CNBD1: variants seen among roughly 807,000 people sequenced by gnomAD.
CNBD1 encodes cyclic nucleotide-binding domain-containing protein 1.
Under a neutral mutation model 54.4 loss-of-function variants are expected in CNBD1, and 71 were observed. The observed-to-expected ratio is 1.30, with a 90% CI of 1.08 to 1.59. The LOEUF is 1.59. CNBD1 is among the 40% of genes most tolerant of loss of function. The probability of loss-of-function intolerance (pLI) is 0.00; values close to 1 mark genes in which losing one functional copy is unlikely to be tolerated. For missense variants in CNBD1, 659 were observed against 518.0 expected, an observed-to-expected ratio of 1.27 and a Z score of -2.64; for synonymous variants, 182 against 170.7, an observed-to-expected ratio of 1.07 and a Z score of -0.51.
chr8:87,225,063 G>A (rs1002615546), intron 5 of CNBD1, among the ~76,000 whole-genome samples: 45 of 151,370 alleles, frequency 3.0e-4, no homozygotes, highest in Non-Finnish European at 5.3e-4. Flanking sequence ...TTGGTGTATA[G>A]GAATGCTTGT....
chr8:87,325,691 G>A (rs1265936316), intron 8 of CNBD1, among the ~76,000 whole-genome samples: 1 of 141,660 alleles, frequency 7.1e-6, no homozygotes, highest in Non-Finnish European at 1.5e-5. Context: ...TTGAGCCCAT[G>A]TGTGTCTCTG....
At chr8:87,234,563 T>A (rs1807533422) in intron 5 of CNBD1, among the ~76,000 whole-genome samples, 1 of 152,206 alleles carries the variant, frequency 6.6e-6, no homozygotes, top group African/African-American at 2.4e-5. Flanking sequence ...GTCTTTTTTC[T>A]GAGTAGTTGA....
intron 4 of CNBD1, among the ~76,000 whole-genome samples, chr8:87,054,508 T>C (rs990927071): frequency 4.6e-5 from 7 of 152,166 alleles, no homozygotes; most frequent in African/African-American, 1.7e-4. Flanking sequence ...TTCCTTGAAA[T>C]ACATTCTTGA....
At chr8:87,022,918 A>C (rs1809518074) in intron 4 of CNBD1, among the ~76,000 whole-genome samples, 1 of 152,214 alleles carries the variant, frequency 6.6e-6, no homozygotes, top group South Asian at 2.1e-4. Context: ...GGAGGTAAGA[A>C]AGGAGGCAGT....
intron 8 of CNBD1, among the ~76,000 whole-genome samples, chr8:87,289,301 A>G (rs907214983): frequency 1.3e-5 from 2 of 152,142 alleles, no homozygotes; most frequent in African/African-American, 4.8e-5. Context: ...AACTTCTTAC[A>G]TCTTCCTACT....
chr8:87,378,963 G>T (rs1454385268), intron 10 of CNBD1, among the ~76,000 whole-genome samples: 1 of 148,874 alleles, frequency 6.7e-6, no homozygotes, highest in Non-Finnish European at 1.5e-5. Flanking sequence ...TTTGTCTGTT[G>T]TTGGTGTATA....
chr8:87,269,534 A>C (rs1808322965), intron 6 of CNBD1, among the ~76,000 whole-genome samples: 1 of 152,142 alleles, frequency 6.6e-6, no homozygotes, highest in Admixed American at 6.6e-5. Flanking sequence ...AACAATATTT[A>C]TTCTTGCTAT....
intron 1 of CNBD1, among the ~76,000 whole-genome samples, chr8:86,879,478 A>G (rs963942086): frequency 6.6e-6 from 1 of 152,204 alleles, no homozygotes; most frequent in African/African-American, 2.4e-5. Flanking sequence ...ATCTAAAAGT[A>G]TGGATGAGTT....
At chr8:86,981,344 G>T (rs1040354435) in intron 4 of CNBD1, among the ~76,000 whole-genome samples, 3 of 151,984 alleles carry the variant, frequency 2.0e-5, no homozygotes, top group African/African-American at 7.3e-5. Flanking sequence ...CAAATTTCTG[G>T]TTTTTCCCTC....
intron 10 of CNBD1, among the ~76,000 whole-genome samples, chr8:87,364,006 A>T (rs1810582125): frequency 6.6e-6 from 1 of 151,566 alleles, no homozygotes; most frequent in African/African-American, 2.4e-5. Context: ...GTTTTAGACA[A>T]ATCTTTGACA....
intron 6 of CNBD1, among the ~76,000 whole-genome samples, chr8:87,256,015 A>ATTTTTTTTT (rs1212667153): frequency 1.3e-4 from 2 of 15,786 alleles, no homozygotes; most frequent in African/African-American, 2.8e-4. Flanking sequence ...ATATATATAT[A>ATTTTTTTTT]TTTTTTTTTT....
chr8:87,339,497 T>A (rs957300996), intron 8 of CNBD1, among the ~76,000 whole-genome samples: 1 of 152,188 alleles, frequency 6.6e-6, no homozygotes, highest in Non-Finnish European at 1.5e-5. Context: ...ACCTCACTTT[T>A]TTTAAGGATG....
At chr8:87,216,618 G>T (rs1814216927) in intron 5 of CNBD1, among the ~76,000 whole-genome samples, 1 of 152,062 alleles carries the variant, frequency 6.6e-6, no homozygotes, top group Admixed American at 6.6e-5. Context: ...AGCTGTGCAG[G>T]ATAAAGCTCA....
intron 10 of CNBD1, among the ~76,000 whole-genome samples, chr8:87,376,228 C>T (rs1810931428): frequency 6.6e-6 from 1 of 151,792 alleles, no homozygotes; most frequent in African/African-American, 2.4e-5. Flanking sequence ...TTTTGGAGGG[C>T]AAGAAATCCA....
At chr8:87,279,307 T>G (rs1207728521) in intron 6 of CNBD1, among the ~76,000 whole-genome samples, 1 of 151,500 alleles carries the variant, frequency 6.6e-6, no homozygotes, top group Non-Finnish European at 1.5e-5. Flanking sequence ...GAACAAAATA[T>G]AGAAAAATAT....
At chr8:87,113,876 G>A (rs1035028836) in intron 4 of CNBD1, among the ~76,000 whole-genome samples, 2 of 151,082 alleles carry the variant, frequency 1.3e-5, no homozygotes, top group African/African-American at 4.9e-5. Context: ...CCGAGATCGC[G>A]CCACTGTACT....
intron 4 of CNBD1, among the ~76,000 whole-genome samples, chr8:87,172,928 G>A (rs574483644): frequency 5.3e-5 from 8 of 151,710 alleles, no homozygotes; most frequent in East Asian, 1.9e-4. Flanking sequence ...TTTGTTTTCC[G>A]GTTATTTTGT....
chr8:86,909,575 G>A (rs112810237), intron 3 of CNBD1, among the ~76,000 whole-genome samples: 1,984 of 151,896 alleles, frequency 0.013, 22 homozygotes, highest in South Asian at 0.032. Flanking sequence ...TGTGCACAAC[G>A]TGCAGGTTTG....
intron 2 of CNBD1, among the ~76,000 whole-genome samples, chr8:87,421,721 G>T (rs867788220): frequency 0.01 from 1,560 of 150,314 alleles, 35 homozygotes; most frequent in African/African-American, 0.036. Context: ...TGTGAATAAT[G>T]CCACAATAAA....
Sources: gnomAD v4.1 joint callset for allele counts (sites outside exome capture counted in the v4.1 genomes callset) on GRCh38, gnomAD v4.1.1 for gene constraint, MANE v1.5 for transcripts, NCBI Gene and HGNC (gene_info 2026-07-23, HGNC 2026-07-21) for gene names.